PIK3R5: variants seen among roughly 807,000 people sequenced by gnomAD.
The protein encoded by PIK3R5 is phosphoinositide-3-kinase regulatory subunit 5.
A neutral mutation model predicts 94.9 loss-of-function variants in PIK3R5; 32 were observed. The observed-to-expected ratio is 0.34, with a 90% CI of 0.25 to 0.45. The LOEUF (loss-of-function observed/expected upper bound fraction) is 0.45, where lower values mean the gene tolerates loss of function less well. PIK3R5 is among the 20% of genes least tolerant of loss of function. The pLI, the probability that PIK3R5 is intolerant of heterozygous loss-of-function variation, is 1.00. For missense variants in PIK3R5, 853 were observed against 1,144.6 expected, an observed-to-expected ratio of 0.75 and a Z score of 3.68; for synonymous variants, 443 against 479.4, an observed-to-expected ratio of 0.92 and a Z score of 0.99.
intron 1 of PIK3R5, among the ~76,000 whole-genome samples, chr17:8,959,016 C>T (rs1422030177): frequency 6.6e-6 from 1 of 152,186 alleles, no homozygotes; most frequent in Non-Finnish European, 1.5e-5. Flanking sequence ...CCTCGGCCTC[C>T]CAAAGTGCTG....
Position 8,882,054 on chromosome 17 carries a change from G to T in PIK3R5, c.2206-173C>A. 1.6e-6 allele frequency: 1 copy of T among 609,602 alleles called. No individual in the cohort carries two copies. The allele number at this position is 609,602 out of a possible 1,614,324, so 37.8% of individuals were successfully genotyped here. Reference sequence around the variant, plus strand: ...CCCTGGATAGACCTGGATGACTCCAGGGAAGAGCTCACGTCACTGGCTTGG... The same window carrying T: ...CCCTGGATAGACCTGGATGACTCCATGGAAGAGCTCACGTCACTGGCTTGG... On this transcript the variant is annotated intron_variant, in intron 15 of 18. Transcript: ENST00000447110. This position sits in a 1 kb window ranked among gnomAD's most constrained non-coding sequence, Gnocchi z 4.1.
chr17:8,915,278 G>T (rs1462967839), intron 1 of PIK3R5, among the ~76,000 whole-genome samples: 1 of 151,958 alleles, frequency 6.6e-6, no homozygotes, highest in East Asian at 1.9e-4. Flanking sequence ...CAAAAAATTA[G>T]CTGGGTGTGG....
rs543223168 is a variant in PIK3R5 at position 8,884,396 on chromosome 17, G to T, written c.2205+311C>A. Among the ~76,000 whole-genome samples, 129 of 151,994 alleles carry T rather than the reference G, an allele frequency of 8.5e-4. 1 individual carries two copies. Among genetic ancestry groups the T allele is most frequent in the African/African-American group, 2.9e-3 (120 of 41,442 alleles). ...CTTCTCCCTGAGGTGCCTCTGGAAGGCTTCCCTTTCCCCCTTTCAGCCCCA... is the reference window on the plus strand; with the variant it reads ...CTTCTCCCTGAGGTGCCTCTGGAAGTCTTCCCTTTCCCCCTTTCAGCCCCA... On this transcript the variant is annotated intron_variant, in intron 15 of 18. Coordinates refer to ENST00000447110, the MANE Select transcript of PIK3R5 (RefSeq NM_001142633.3). The surrounding 1 kb of genome is among the most constrained non-coding windows in gnomAD (Gnocchi z 5.8).
chr17:8,957,046 G>A (rs2091477248), intron 1 of PIK3R5, among the ~76,000 whole-genome samples: 1 of 152,142 alleles, frequency 6.6e-6, no homozygotes, highest in Non-Finnish European at 1.5e-5. Context: ...AAACTGCCCA[G>A]CTTTGGGACC....
At chr17:8,932,997 G>T (rs2091012881) in intron 1 of PIK3R5, among the ~76,000 whole-genome samples, 1 of 152,014 alleles carries the variant, frequency 6.6e-6, no homozygotes, top group Non-Finnish European at 1.5e-5. Context: ...GCAGCCAGAA[G>T]AAAAAGACAC....
At chr17:8,964,208 A>G (rs977925255) in intron 1 of PIK3R5, among the ~76,000 whole-genome samples, 1 of 152,142 alleles carries the variant, frequency 6.6e-6, no homozygotes, top group Non-Finnish European at 1.5e-5. Flanking sequence ...CCTGGGCAAC[A>G]TGGCAAAACC....
chr17:8,909,943 T>A lies in PIK3R5; in HGVS notation c.104-769A>T, dbSNP rs1317769432. On this transcript the variant is annotated intron_variant, in intron 2 of 18. Coordinates refer to ENST00000447110, the MANE Select transcript of PIK3R5 (RefSeq NM_001142633.3). This position sits in a 1 kb window ranked among gnomAD's most constrained non-coding sequence, Gnocchi z 4.3. ...CGCAAGACTGAGTCTACAGCAGCCATGGAGCTTCCCAGGAATGGCAATGGA... is the reference window on the plus strand; with the variant it reads ...CGCAAGACTGAGTCTACAGCAGCCAAGGAGCTTCCCAGGAATGGCAATGGA... Among the ~76,000 whole-genome samples, 1 of 152,200 alleles carries A rather than the reference T, an allele frequency of 6.6e-6. No homozygotes were observed. Among genetic ancestry groups the A allele is most frequent in the Non-Finnish European group, 1.5e-5 (1 of 68,032 alleles).
intron 1 of PIK3R5, among the ~76,000 whole-genome samples, chr17:8,922,619 T>C (rs2090776092): frequency 6.6e-6 from 1 of 152,180 alleles, no homozygotes; most frequent in Admixed American, 6.5e-5. Flanking sequence ...ATTTGAGGCT[T>C]CCAGGGAAGA....
intron 3 of PIK3R5, among the ~76,000 whole-genome samples, chr17:8,906,501 C>G (rs1054279972): frequency 1.1e-4 from 16 of 151,842 alleles, no homozygotes; most frequent in African/African-American, 3.6e-4. Flanking sequence ...GTTGATTTTT[C>G]CTTCATGGAT....
At position 8,904,722 on chromosome 17, in the gene PIK3R5, G is replaced by A. The variant is rs541726683; in HGVS notation, c.412+55C>T. The A allele has an allele frequency of 2.5e-6, 4 of 1,581,188 alleles. No homozygotes were observed. In the African/African-American group the frequency reaches 4.0e-5, roughly 16 times the overall value. The stretch of plus-strand genomic sequence containing the variant: ...ACAAAAAACAGTTTCAGAGGAGTTG[G>A]AAGCATTCTGACCTTCTGAGCCCTG... On this transcript the variant is annotated intron_variant, in intron 5 of 18. Transcript: ENST00000447110. The surrounding 1 kb of genome is among the most constrained non-coding windows in gnomAD (Gnocchi z 5.1).
intron 1 of PIK3R5, among the ~76,000 whole-genome samples, chr17:8,961,609 C>T (rs954386024): frequency 9.2e-5 from 14 of 151,848 alleles, no homozygotes; most frequent in East Asian, 7.8e-4. Context: ...CATTCCGTCC[C>T]GTGTGACAAG....
In PIK3R5 at chr17:8,887,533, G is replaced by A. The variant is rs61756144; in HGVS notation, c.1767C>T (p.His589=). 5.5e-3 allele frequency: 8,892 copies of A among 1,606,028 alleles called. 414 individuals are homozygous for A. The African/African-American group carries it at 0.1, about 18-fold the overall frequency. The change falls in exon 11 of 19, where the codon CAC becomes CAT. Residue 589 remains histidine (H), a synonymous_variant. Transcript: ENST00000447110. Reference sequence around the variant, plus strand: ...GCTGGGGACATACTCCAGGGCTGGCGTGCCTAGGGGAGTCTGTCGGGGGTG... The same window carrying A: ...GCTGGGGACATACTCCAGGGCTGGCATGCCTAGGGGAGTCTGTCGGGGGTG... ...TPSPPTDSPR[H]ASPGELGTTP...
intron 1 of PIK3R5, among the ~76,000 whole-genome samples, chr17:8,917,266 A>G (rs1406815484): frequency 6.6e-6 from 1 of 152,212 alleles, no homozygotes; most frequent in African/African-American, 2.4e-5. Flanking sequence ...CTGTGTGTAT[A>G]GCTTTAACGC....
chr17:8,958,506 T>G (rs1214219331), intron 1 of PIK3R5, among the ~76,000 whole-genome samples: 1 of 152,182 alleles, frequency 6.6e-6, no homozygotes, highest in African/African-American at 2.4e-5. Flanking sequence ...GTAACATCCA[T>G]TCATGCTTTT....
At position 8,922,500 on chromosome 17, in the gene PIK3R5, G is replaced by A. The variant is rs114673121; in HGVS notation, c.-13-10993C>T. Among the ~76,000 whole-genome samples, 864 of 152,212 alleles carry A rather than the reference G, an allele frequency of 5.7e-3. 9 individuals are homozygous for A. The highest frequency in any genetic ancestry group is 0.019 in the African/African-American group (802 of 41,526). On this transcript the variant is annotated intron_variant, in intron 1 of 18. Coordinates refer to ENST00000447110, the MANE Select transcript of PIK3R5 (RefSeq NM_001142633.3). ...AGCTTGAAGTCTGTGCAAAGTTGGC[G>A]TGACTCTCAAAGCCCATGTTCTTTC...
chr17:8,927,067 T>G (rs1383212090), intron 1 of PIK3R5, among the ~76,000 whole-genome samples: 1 of 152,108 alleles, frequency 6.6e-6, no homozygotes, highest in African/African-American at 2.4e-5. Context: ...CTAGGGACCC[T>G]GGGGACAAGG....
chr17:8,963,762 A>T (rs2091608921), intron 1 of PIK3R5, among the ~76,000 whole-genome samples: 1 of 152,096 alleles, frequency 6.6e-6, no homozygotes, highest in Admixed American at 6.6e-5. Context: ...CTTCTACTGC[A>T]GCCTGAGGAG....
chr17:8,886,205 T>C (rs1363463688), intron 14 of PIK3R5, 24 bp downstream of exon 14: 1 of 1,581,216 alleles, frequency 6.3e-7, no homozygotes, highest in Non-Finnish European at 8.7e-7. Flanking sequence ...CCTCACCGTC[T>C]GTCTCTGCTC....
intron 1 of PIK3R5, among the ~76,000 whole-genome samples, chr17:8,948,194 G>A (rs1318730071): frequency 6.6e-6 from 1 of 151,976 alleles, no homozygotes; most frequent in Non-Finnish European, 1.5e-5. Context: ...ATGAGAGAAA[G>A]CCGAAATGCG....
Sources: gnomAD v4.1 joint callset for allele counts (sites outside exome capture counted in the v4.1 genomes callset) on GRCh38, gnomAD v4.1.1 for gene constraint, Gnocchi (gnomAD v3.1) non-coding constraint, MANE v1.5 for transcripts, NCBI Gene and HGNC (gene_info 2026-07-23, HGNC 2026-07-21) for gene names.